Variants in CPPED1 observed in about 807,000 individuals in gnomAD.
CPPED1 encodes serine/threonine-protein phosphatase CPPED1.
In CPPED1, 28 loss-of-function variants were observed where a neutral mutation model predicts 28.0. That is an observed-to-expected ratio of 1.00 (90% confidence interval 0.74 to 1.37). The LOEUF is 1.37. Among genes scored for constraint, CPPED1 ranks in the 40% most tolerant of loss-of-function variants. CPPED1 has a pLI of 0.00. For missense variants in CPPED1, 504 were observed against 416.5 expected, an observed-to-expected ratio of 1.21 and a Z score of -1.83; for synonymous variants, 198 against 180.2, an observed-to-expected ratio of 1.10 and a Z score of -0.79.
intron 2 of CPPED1, among the ~76,000 whole-genome samples, chr16:12,730,703 C>T (rs1046911145): frequency 6.6e-6 from 1 of 152,194 alleles, no homozygotes; most frequent in African/African-American, 2.4e-5. Flanking sequence ...AGAGTCAATA[C>T]CGCATGATTT....
intron 2 of CPPED1, among the ~76,000 whole-genome samples, 187 bp from the exon 3 acceptor site, chr16:12,705,236 G>T (rs2080043789): frequency 6.6e-6 from 1 of 152,236 alleles, no homozygotes; most frequent in African/African-American, 2.4e-5. Flanking sequence ...GGGGGCCTCT[G>T]CCCATCCTTC....
intron 2 of CPPED1, among the ~76,000 whole-genome samples, chr16:12,710,975 T>C (rs1381495402): frequency 6.6e-6 from 1 of 152,176 alleles, no homozygotes. Flanking sequence ...AATCCAACAA[T>C]TCTATATCTG....
At chr16:12,691,528 G>A (rs920155313) in intron 3 of CPPED1, among the ~76,000 whole-genome samples, 4 of 152,050 alleles carry the variant, frequency 2.6e-5, no homozygotes, top group African/African-American at 9.7e-5. Flanking sequence ...GTTTATTGCG[G>A]CATTATTCAC....
chr16:12,737,329 A>T (rs1196223836), intron 2 of CPPED1, among the ~76,000 whole-genome samples: 1 of 152,100 alleles, frequency 6.6e-6, no homozygotes, highest in African/African-American at 2.4e-5. Context: ...GAAGAAGGAG[A>T]AGAAGGGAGA....
chr16:12,762,699 G>A (rs1303307058), intron 2 of CPPED1, among the ~76,000 whole-genome samples: 1 of 152,108 alleles, frequency 6.6e-6, no homozygotes, highest in Non-Finnish European at 1.5e-5. Context: ...AGGGAAATAG[G>A]GAATGACAGC....
At chr16:12,782,227 T>A (rs920099394) in intron 1 of CPPED1, among the ~76,000 whole-genome samples, 2 of 152,192 alleles carry the variant, frequency 1.3e-5, no homozygotes, top group Non-Finnish European at 1.5e-5. Flanking sequence ...TGGCCATTAA[T>A]GGGCACAGAA....
chr16:12,780,244 A>G (rs753212575), intron 2 of CPPED1, among the ~76,000 whole-genome samples: 19 of 152,036 alleles, frequency 1.2e-4, no homozygotes, highest in Non-Finnish European at 2.8e-4. Context: ...CAGTGGCACA[A>G]TCTCAGCTCA....
intron 3 of CPPED1, among the ~76,000 whole-genome samples, chr16:12,686,118 C>T (rs752233114): frequency 1.2e-4 from 18 of 152,126 alleles, no homozygotes; most frequent in South Asian, 4.1e-4. Context: ...TTCTGTACAG[C>T]CCAAAGGAAC....
intron 2 of CPPED1, among the ~76,000 whole-genome samples, chr16:12,752,665 T>C (rs2080337584): frequency 1.4e-5 from 2 of 147,168 alleles, no homozygotes; most frequent in African/African-American, 4.9e-5. Context: ...ATATGATATA[T>C]AATATATATT....
In CPPED1 at chr16:12,677,845, G is replaced by A. The variant is rs369575039; in HGVS notation, c.716-12730C>T. 6.6e-5 allele frequency among the ~76,000 whole-genome samples: 10 copies of A among 152,284 alleles called. No individual in the cohort carries two copies. In the South Asian group the frequency reaches 2.1e-3, roughly 32 times the overall value. On this transcript the variant is annotated intron_variant, in intron 3 of 3. Coordinates refer to ENST00000381774, the MANE Select transcript of CPPED1 (RefSeq NM_018340.3). ...CTTGGAACTTAATTGACCTGGGTCA[G>A]CAAACATTTTCCAGAAAGGTCTGGA...
intron 3 of CPPED1, among the ~76,000 whole-genome samples, chr16:12,679,362 AAAC>A (rs1300634408): frequency 1.3e-5 from 2 of 152,236 alleles, no homozygotes; most frequent in Non-Finnish European, 2.9e-5. Flanking sequence ...TGTAAAACAA[AAAC>A]AAAAACAAAA....
chr16:12,679,944 A>G (rs2079896643), intron 3 of CPPED1, among the ~76,000 whole-genome samples: 1 of 152,210 alleles, frequency 6.6e-6, no homozygotes, highest in African/African-American at 2.4e-5. Flanking sequence ...AATGGAAAAG[A>G]GAAGAGACTA....
At chr16:12,683,815 T>C (rs1161402236) in intron 3 of CPPED1, among the ~76,000 whole-genome samples, 1 of 152,212 alleles carries the variant, frequency 6.6e-6, no homozygotes, top group Non-Finnish European at 1.5e-5. Flanking sequence ...GCTGTATTTG[T>C]GCTTAACTAT....
At chr16:12,724,653 A>C (rs576217072) in intron 2 of CPPED1, among the ~76,000 whole-genome samples, 16 of 152,284 alleles carry the variant, frequency 1.1e-4, no homozygotes, top group African/African-American at 3.6e-4. Context: ...TGCCCATTTC[A>C]AGGCTTGAAC....
intron 3 of CPPED1, among the ~76,000 whole-genome samples, chr16:12,701,772 C>G (rs2080021965): frequency 5.9e-5 from 9 of 152,154 alleles, no homozygotes; most frequent in Admixed American, 5.2e-4. Context: ...GCTGCTAAGA[C>G]CCAGATGAGA....
chr16:12,734,993 G>C (rs1366857819), intron 2 of CPPED1, among the ~76,000 whole-genome samples: 2 of 152,148 alleles, frequency 1.3e-5, no homozygotes, highest in African/African-American at 4.8e-5. Context: ...GACAGATCTT[G>C]GGTCAAAGCC....
chr16:12,727,959 C>T (rs1195942369), intron 2 of CPPED1, among the ~76,000 whole-genome samples: 1 of 152,170 alleles, frequency 6.6e-6, no homozygotes, highest in African/African-American at 2.4e-5. Context: ...ATAGAGATCA[C>T]GTTATAACTG....
At chr16:12,692,622 A>T (rs2079969492) in intron 3 of CPPED1, among the ~76,000 whole-genome samples, 1 of 152,176 alleles carries the variant, frequency 6.6e-6, no homozygotes, top group Non-Finnish European at 1.5e-5. Flanking sequence ...AAAAAATACC[A>T]GTACCTTGTG....
chr16:12,729,023 T>A lies in CPPED1; in HGVS notation c.290-23974A>T, dbSNP rs975933240. Among the ~76,000 whole-genome samples the A allele has an allele frequency of 2.6e-5, 4 of 152,328 alleles. 1 individual carries two copies. The South Asian group carries it at 8.3e-4, about 32-fold the overall frequency. On this transcript the variant is annotated intron_variant, in intron 2 of 3. Transcript: ENST00000381774. ...TTGTTCTCTGCTGGTGAGGTCACCA[T>A]CACTGGAAACATGGGTGTCTGTGAG... is the stretch of plus-strand genomic sequence containing the variant.
Sources: allele counts gnomAD v4.1 joint callset (sites outside exome capture counted in the v4.1 genomes callset), GRCh38; gene constraint gnomAD v4.1.1; transcripts MANE v1.5; gene names NCBI Gene and HGNC (gene_info 2026-07-23, HGNC 2026-07-21).